Variants in MSLN observed in about 807,000 individuals in gnomAD.
The protein encoded by MSLN is CAK1 antigen.
Under a neutral mutation model 72.6 loss-of-function variants are expected in MSLN, and 82 were observed. That is an observed-to-expected ratio of 1.13 (90% CI 0.94 to 1.36). MSLN has a LOEUF of 1.36. MSLN is among the 40% of genes most tolerant of loss of function. MSLN has a pLI of 0.00. For missense variants in MSLN, 1,005 were observed against 847.9 expected (o/e 1.19, Z -2.30); for synonymous variants, 456 against 387.3 (o/e 1.18, Z -2.08).
intron 9 of MSLN, 100 bp from the exon 10 acceptor site, chr16:765,427 C>A: frequency 1.4e-6 from 2 of 1,402,632 alleles, no homozygotes; most frequent in Non-Finnish European, 1.9e-6. Context: ...CCTGCCAATG[C>A]CCCCAGCGTC....
chr16:767,068 C>T, intron 15 of MSLN, 56 bp downstream of exon 15: 1 of 1,607,534 alleles, frequency 6.2e-7, no homozygotes, highest in Admixed American at 1.7e-5. Flanking sequence ...AGCACAGACT[C>T]CACTCGGGGG....
At chr16:768,079 CAA>C (rs2041662848) in intron 16 of MSLN, among the ~76,000 whole-genome samples, 2 of 79,836 alleles carry the variant, frequency 2.5e-5, no homozygotes, top group East Asian at 3.5e-4. Flanking sequence ...GAGGGGGGGG[CAA>C]GTGGAGAAGC....
Position 763,699 on chromosome 16 carries a change from T to C in MSLN, c.179+8T>C, listed in dbSNP as rs1467335758. 2 of 1,246,662 alleles carry C rather than the reference T, an allele frequency of 1.6e-6. No homozygotes were observed. Among genetic ancestry groups the C allele is most frequent in the Non-Finnish European group, 2.0e-6 (2 of 984,886 alleles). 77.2% of individuals were successfully genotyped at this position (1,246,662 alleles called of 1,614,324 possible). On this transcript the variant is annotated splice_region_variant and intron_variant, in intron 5 of 17. Transcript: ENST00000545450. Reference sequence around the variant, plus strand: ...CCCACCTAACATTTCCAGGTGGGTCTGGGGTCCTCACAGTCCTCAAGGGTG... The same window carrying C: ...CCCACCTAACATTTCCAGGTGGGTCCGGGGTCCTCACAGTCCTCAAGGGTG...
Position 760,844 on chromosome 16 carries a change from T to A in MSLN, c.-112+23T>A, listed in dbSNP as rs145097314. 1,519 of 152,356 alleles carry A rather than the reference T, an allele frequency of 1.0e-2. 18 individuals carry two copies. The highest frequency in any genetic ancestry group is 0.018 in the Admixed American group (270 of 15,302). The allele number at this position is 152,356 out of a possible 1,614,324, so 9.4% of individuals were successfully genotyped here. ...CAGGTGTGGCCAATCACCCTGCACA[T>A]CAGAGTTACCCTGGGCAGGGCCCAC... On this transcript the variant is annotated intron_variant, in intron 1 of 17. Transcript: ENST00000545450.
intron 4 of MSLN, 23 bp downstream of exon 4, chr16:763,299 A>C: frequency 6.5e-7 from 1 of 1,533,566 alleles, no homozygotes; most frequent in Non-Finnish European, 8.8e-7. Flanking sequence ...CTGGGGAAAC[A>C]GGGGAGGGTC....
At chr16:767,328 G>C (rs1210383784) in intron 15 of MSLN, 48 bp from the exon 16 acceptor site, 1 of 1,520,096 alleles carries the variant, frequency 6.6e-7, no homozygotes, top group Admixed American at 1.7e-5. Flanking sequence ...TCAAGGGCCT[G>C]GGGGTGTGAG....
In MSLN at chr16:768,688, T is replaced by C; in HGVS notation, c.1824T>C (p.Pro608=). 6.2e-7 allele frequency: 1 copy of C among 1,611,010 alleles called. No individual in the cohort carries two copies. ...SGTPCLLGPG[P]VLTVLALLLA... is the part of the protein sequence containing the mutation. The stretch of plus-strand genomic sequence containing the variant: ...CGCCCTGCCTCCTAGGACCTGGACC[T>C]GTTCTCACCGTCCTGGCACTGCTCC... The change falls in exon 18 of 18, where the codon CCT becomes CCC. Residue 608 remains proline, a synonymous_variant. Coordinates refer to ENST00000545450, the MANE Select transcript of MSLN (RefSeq NM_005823.6).
At chr16:763,871 G>C in intron 5 of MSLN, 152 bp from the exon 6 acceptor site, 1 of 731,796 alleles carries the variant, frequency 1.4e-6, no homozygotes, top group East Asian at 7.4e-5. Context: ...GGCAACTCCC[G>C]GCCCTTGAGG....
At position 767,435 on chromosome 16, in the gene MSLN, GC is replaced by G. The variant is rs1477997558; in HGVS notation, c.1563del (p.Thr522ArgfsTer3). 6.2e-7 allele frequency: 1 copy of G among 1,604,806 alleles called. No individual in the cohort carries two copies. Reference sequence around the variant, plus strand: ...TCAGCAGAATGTGAGCATGGACTTGGCCACGTTCATGAAGCTGCGGACGGAT... The same window carrying G: ...TCAGCAGAATGTGAGCATGGACTTGGCACGTTCATGAAGCTGCGGACGGAT... ...LSQQNVSMDL[A>X]TFMKLRTDAV... On this transcript the variant is annotated frameshift_variant, in exon 16 of 18. Transcript: ENST00000545450. LOFTEE classifies it high-confidence loss of function.
At chr16:765,645 G>T in intron 10 of MSLN, 28 bp downstream of exon 10, 1 of 1,598,494 alleles carries the variant, frequency 6.3e-7, no homozygotes, top group Non-Finnish European at 8.5e-7. Flanking sequence ...AGCCCGTGGG[G>T]ATGCCCGGCC....
Position 766,920 on chromosome 16 carries a change from C to T in MSLN, c.1409C>T (p.Pro470Leu). Residue 470 changes from proline to leucine, a missense_variant, in exon 15 of 18, where the codon CCA becomes CTA. Coordinates refer to ENST00000545450, the MANE Select transcript of MSLN (RefSeq NM_005823.6). ...CCCCAGGACCTGGACACGTGTGACC[C>T]AAGGCAGCTGGACGTCCTCTATCCC... ...VRPQDLDTCD[P>L]RQLDVLYPKA... The T allele has an allele frequency of 6.2e-7, 1 of 1,612,594 alleles. No individual in the cohort carries two copies. Among genetic ancestry groups the T allele is most frequent in the Non-Finnish European group, 8.5e-7 (1 of 1,179,844 alleles).
At chr16:764,231 G>A (rs558140443) in intron 6 of MSLN, 88 bp downstream of exon 6, 7 of 1,472,220 alleles carry the variant, frequency 4.8e-6, no homozygotes, top group Non-Finnish European at 6.4e-6. Flanking sequence ...TGCCACCACG[G>A]TCCCCTCTGT....
intron 4 of MSLN, 77 bp downstream of exon 4, chr16:763,353 C>T (rs147166254): frequency 8.9e-6 from 11 of 1,234,964 alleles, no homozygotes; most frequent in East Asian, 5.1e-5. Flanking sequence ...CTCTCTGTCA[C>T]GTATCCACGG....
At position 762,846 on chromosome 16, in the gene MSLN, G is replaced by C. The variant is rs1443314456; in HGVS notation, c.85+81G>C. On this transcript the variant is annotated intron_variant, in intron 3 of 17. Coordinates refer to ENST00000545450, the MANE Select transcript of MSLN (RefSeq NM_005823.6). ...CCAGGCCCCCAGCAAGGCTTTGCCT[G>C]CCCCTGCCTTCTCCCTGGAGTGCCT... is the stretch of plus-strand genomic sequence containing the variant. 13 of 1,200,238 alleles carry C rather than the reference G, an allele frequency of 1.1e-5. No individual in the cohort carries two copies. In the Admixed American group the frequency reaches 3.1e-4, roughly 29 times the overall value. The allele number at this position is 1,200,238 out of a possible 1,614,324, so 74.3% of individuals were successfully genotyped here.
At chr16:763,919 C>G (rs891502479) in intron 5 of MSLN, 104 bp from the exon 6 acceptor site, 4 of 1,507,816 alleles carry the variant, frequency 2.7e-6, no homozygotes, top group East Asian at 2.4e-5. Context: ...GCAGGGAGCA[C>G]CAGGGTCCTT....
chr16:760,757 C>T lies in MSLN; in HGVS notation c.-176C>T, dbSNP rs9936861. The T allele has an allele frequency of 0.021, 3,170 of 152,394 alleles. 98 individuals are homozygous for T. Among genetic ancestry groups the T allele is most frequent in the African/African-American group, 0.055 (2,287 of 41,552 alleles). 9.4% of individuals were successfully genotyped at this position (152,394 alleles called of 1,614,324 possible). On this transcript the variant is annotated 5_prime_UTR_variant, in exon 1 of 18. Transcript: ENST00000545450. ...CCGTCATTTGTTCCCTTTGACGGCC[C>T]GGGAGGCTGCCAGGCTCTCCACCCC...
intron 3 of MSLN, 104 bp from the exon 4 acceptor site, chr16:763,129 G>A: frequency 1.4e-6 from 1 of 734,650 alleles, no homozygotes; most frequent in Non-Finnish European, 2.3e-6. Context: ...GTGTGCACAG[G>A]GCTGGCTGTG....
intron 3 of MSLN, 94 bp downstream of exon 3, chr16:762,859 C>T (rs908235134): frequency 6.6e-6 from 7 of 1,055,110 alleles, no homozygotes; most frequent in Non-Finnish European, 9.6e-6. Flanking sequence ...CCTGCCTTCT[C>T]CCTGGAGTGC....
chr16:764,290 C>A, intron 6 of MSLN, 147 bp downstream of exon 6: 1 of 1,211,396 alleles, frequency 8.3e-7, no homozygotes, highest in Non-Finnish European at 1.1e-6. Flanking sequence ...TTCCTCTGGC[C>A]ACCCAAGCTG....
Sources: allele counts gnomAD v4.1 joint callset (sites outside exome capture counted in the v4.1 genomes callset), GRCh38; gene constraint gnomAD v4.1.1; transcripts MANE v1.5; gene names NCBI Gene and HGNC (gene_info 2026-07-23, HGNC 2026-07-21).